The following EXOC4 variants were observed in gnomAD, a reference collection of about 807,000 sequenced individuals.
The protein encoded by EXOC4 is exocyst complex component 4, also known as SEC8-like 1.
In EXOC4, 71 loss-of-function variants were observed where a neutral mutation model predicts 107.2. That is an observed-to-expected ratio of 0.66 (90% confidence interval 0.55 to 0.81). The LOEUF is 0.81. Ranked by LOEUF, EXOC4 falls within the 30% of genes least tolerant of loss-of-function variation. The pLI is 0.00. For missense variants in EXOC4, 1,108 were observed against 1,189.6 expected (o/e 0.93, Z 1.01); for synonymous variants, 456 against 441.2 (o/e 1.03, Z -0.42).
chr7:133,792,378 C>G (rs555169457), intron 10 of EXOC4, among the ~76,000 whole-genome samples: 1 of 151,918 alleles, frequency 6.6e-6, no homozygotes, highest in East Asian at 1.9e-4. Context: ...TGTAGTGAGA[C>G]CTCGTCTCTA....
intron 13 of EXOC4, among the ~76,000 whole-genome samples, chr7:133,926,406 A>T (rs1800053472): frequency 6.6e-6 from 1 of 152,206 alleles, no homozygotes; most frequent in South Asian, 2.1e-4. Flanking sequence ...GAGTCATTTT[A>T]TGCTAATGTC....
rs540837598 is a variant in EXOC4 at position 133,697,061 on chromosome 7, C to T, written c.1514+66920C>T. 8.5e-5 allele frequency among the ~76,000 whole-genome samples: 13 copies of T among 152,340 alleles called. No individual in the cohort carries two copies. The South Asian group carries it at 2.3e-3, about 27-fold the overall frequency. On this transcript the variant is annotated intron_variant, in intron 10 of 17. Coordinates refer to ENST00000253861, the MANE Select transcript of EXOC4 (RefSeq NM_021807.4). ...CTTTGAAAGAGGCTCTTTACTCCTA[C>T]ACTCCATCCCTGGTGATTCTCATAC...
intron 10 of EXOC4, among the ~76,000 whole-genome samples, chr7:133,721,749 G>A (rs374456513): frequency 5.3e-4 from 81 of 152,306 alleles, no homozygotes; most frequent in Middle Eastern, 3.4e-3. Flanking sequence ...ATGAACAGAG[G>A]CACAGTGACA....
chr7:133,566,537 C>T (rs953449271), intron 9 of EXOC4, among the ~76,000 whole-genome samples: 1 of 152,112 alleles, frequency 6.6e-6, no homozygotes, highest in African/African-American at 2.4e-5. Flanking sequence ...TTAACAAATC[C>T]TCTGAGCCAA....
intron 5 of EXOC4, among the ~76,000 whole-genome samples, chr7:133,348,529 G>A (rs1410345868): frequency 6.6e-6 from 1 of 152,120 alleles, no homozygotes; most frequent in African/African-American, 2.4e-5. Context: ...CTTTGTATGT[G>A]TCACGTTTGT....
intron 9 of EXOC4, among the ~76,000 whole-genome samples, chr7:133,555,375 CT>C (rs1490262565): frequency 6.6e-6 from 1 of 151,774 alleles, no homozygotes; most frequent in Non-Finnish European, 1.5e-5. Context: ...GTATATGTTC[CT>C]GTTTTTATTT....
At chr7:133,731,316 G>C (rs1362477469) in intron 10 of EXOC4, among the ~76,000 whole-genome samples, 2 of 152,076 alleles carry the variant, frequency 1.3e-5, no homozygotes, top group African/African-American at 2.4e-5. Flanking sequence ...AAACTGAAAT[G>C]CTACCCGTTA....
At chr7:133,284,924 A>G (rs1584777995) in intron 2 of EXOC4, among the ~76,000 whole-genome samples, 1 of 152,138 alleles carries the variant, frequency 6.6e-6, no homozygotes, top group South Asian at 2.1e-4. Context: ...CCCAGTTCCA[A>G]CATCTCAGAG....
At chr7:133,527,651 A>G (rs935531735) in intron 9 of EXOC4, among the ~76,000 whole-genome samples, 1 of 152,170 alleles carries the variant, frequency 6.6e-6, no homozygotes, top group Non-Finnish European at 1.5e-5. Flanking sequence ...GAAGAGAAAA[A>G]TTGTGTTTAA....
At chr7:133,495,309 C>A (rs1356126545) in intron 9 of EXOC4, among the ~76,000 whole-genome samples, 1 of 151,618 alleles carries the variant, frequency 6.6e-6, no homozygotes, top group Non-Finnish European at 1.5e-5. Context: ...TACACTGAAT[C>A]TTTTCTGTTC....
intron 9 of EXOC4, among the ~76,000 whole-genome samples, chr7:133,589,524 CTTG>C (rs1801489896): frequency 6.6e-6 from 1 of 152,208 alleles, no homozygotes; most frequent in Admixed American, 6.5e-5. Context: ...CTTGATTATT[CTTG>C]TTTAAAATTT....
At chr7:133,711,898 T>A (rs1050589457) in intron 10 of EXOC4, among the ~76,000 whole-genome samples, 3 of 152,174 alleles carry the variant, frequency 2.0e-5, no homozygotes, top group Non-Finnish European at 2.9e-5. Flanking sequence ...CATTTTGGAT[T>A]TATTTTTCTC....
intron 5 of EXOC4, among the ~76,000 whole-genome samples, chr7:133,325,764 G>C (rs1429655214): frequency 5.3e-5 from 8 of 152,142 alleles, no homozygotes; most frequent in Non-Finnish European, 1.0e-4. Context: ...GGCCTGCCTT[G>C]CTAGGTTGGG....
chr7:133,615,066 A>G (rs1024622341), intron 9 of EXOC4, among the ~76,000 whole-genome samples: 12 of 152,268 alleles, frequency 7.9e-5, no homozygotes, highest in African/African-American at 2.9e-4. Flanking sequence ...CCCTTCTATG[A>G]TATCGTCACT....
chr7:133,895,692 G>A lies in EXOC4; in HGVS notation c.1828G>A (p.Val610Met), dbSNP rs201852656. ...YSDQFLNMVC[V>M]KLQEYKDTCT... is the part of the protein sequence containing the mutation. ...AGATCAATTCCTCAACATGGTGTGC[G>A]TGAAGCTCCAGGAGTACAAGGACAC... Residue 610 changes from valine to methionine, a missense_variant, in exon 12 of 18, where the codon GTG becomes ATG. Transcript: ENST00000253861. 5.3e-5 allele frequency: 85 copies of A among 1,614,106 alleles called. No individual in the cohort carries two copies. The East Asian group carries it at 1.3e-3, about 25-fold the overall frequency.
intron 2 of EXOC4, among the ~76,000 whole-genome samples, chr7:133,276,183 A>G (rs1562998450): frequency 6.6e-6 from 1 of 151,032 alleles, no homozygotes; most frequent in Admixed American, 6.6e-5. Flanking sequence ...CTTTTGCTGT[A>G]GGTCCTTGAG....
At position 133,970,774 on chromosome 7, in the gene EXOC4, C is replaced by T. The variant is rs935063385; in HGVS notation, c.2207-26718C>T. Among the ~76,000 whole-genome samples, 9 of 151,896 alleles carry T rather than the reference C, an allele frequency of 5.9e-5. No individual in the cohort carries two copies. In the South Asian group the frequency reaches 1.2e-3, roughly 21 times the overall value. ...TTGATCTCGCTGGGAGCTACCAACC[C>T]GAGCTGTTCCTATTCAGCCATCTTG... is the stretch of plus-strand genomic sequence containing the variant. On this transcript the variant is annotated intron_variant, in intron 14 of 17. Transcript: ENST00000253861.
chr7:133,566,011 TG>T (rs1800899400), intron 9 of EXOC4, among the ~76,000 whole-genome samples: 2 of 152,130 alleles, frequency 1.3e-5, no homozygotes, highest in African/African-American at 4.8e-5. Context: ...TGCACTTTAT[TG>T]GGGGTTATTA....
chr7:133,874,986 T>A (rs903790055), intron 11 of EXOC4, among the ~76,000 whole-genome samples: 2 of 152,204 alleles, frequency 1.3e-5, no homozygotes, highest in African/African-American at 4.8e-5. Context: ...CTAAATAACA[T>A]TGCTACATCA....
Sources: gnomAD v4.1 joint callset for allele counts (sites outside exome capture counted in the v4.1 genomes callset) on GRCh38, gnomAD v4.1.1 for gene constraint, MANE v1.5 for transcripts, NCBI Gene and HGNC (gene_info 2026-07-23, HGNC 2026-07-21) for gene names.